The following SLC35F1 variants were observed in gnomAD, a reference collection of about 807,000 sequenced individuals.
SLC35F1 encodes the protein solute carrier family 35 member F1.
A neutral mutation model predicts 48.7 loss-of-function variants in SLC35F1; 14 were observed. That is an observed-to-expected ratio of 0.29 (90% CI 0.19 to 0.45). SLC35F1 has a LOEUF of 0.45. Among genes scored for constraint, SLC35F1 ranks in the 20% least tolerant of loss-of-function variants. The probability of loss-of-function intolerance (pLI) is 1.00; values close to 1 mark genes in which losing one functional copy is unlikely to be tolerated. For synonymous variants in SLC35F1, 190 were observed against 202.2 expected, an observed-to-expected ratio of 0.94 and a Z score of 0.51; for missense variants, 404 against 500.0, an observed-to-expected ratio of 0.81 and a Z score of 1.83.
chr6:118,147,361 C>G (rs1005704765), intron 1 of SLC35F1, among the ~76,000 whole-genome samples: 2 of 152,126 alleles, frequency 1.3e-5, no homozygotes, highest in Non-Finnish European at 2.9e-5. Context: ...GCATCGGAAA[C>G]AGGGGACACA....
intron 1 of SLC35F1, among the ~76,000 whole-genome samples, chr6:117,923,763 G>GTATATGTGTATATGTA (rs1775969946): frequency 5.5e-5 from 1 of 18,080 alleles, no homozygotes; most frequent in Non-Finnish European, 9.5e-5. Context: ...ATATACATAT[G>GTATATGTGTATATGTA]CACATACATA....
At chr6:118,088,844 A>G (rs1487267470) in intron 1 of SLC35F1, among the ~76,000 whole-genome samples, 1 of 152,166 alleles carries the variant, frequency 6.6e-6, no homozygotes, top group Admixed American at 6.6e-5. Context: ...TAATTAGCAT[A>G]AAGACACTTC....
intron 1 of SLC35F1, among the ~76,000 whole-genome samples, chr6:118,074,883 A>G (rs1036516087): frequency 1.3e-5 from 2 of 152,146 alleles, no homozygotes; most frequent in African/African-American, 2.4e-5. Context: ...GACTCAAGCA[A>G]TCTTCCATCC....
chr6:117,908,011 C>A, intron 1 of SLC35F1, 112 bp downstream of exon 1: 1 of 1,058,268 alleles, frequency 9.4e-7, no homozygotes, highest in South Asian at 3.4e-5. Flanking sequence ...GGGTTGCGGC[C>A]GGAGGAGACT....
chr6:118,219,067 T>C (rs1345206356), intron 2 of SLC35F1, among the ~76,000 whole-genome samples: 1 of 152,190 alleles, frequency 6.6e-6, no homozygotes, highest in Non-Finnish European at 1.5e-5. Flanking sequence ...AACACGGACC[T>C]TTAGGTTTTG....
chr6:118,144,290 A>G (rs1773937353), intron 1 of SLC35F1, among the ~76,000 whole-genome samples: 2 of 152,162 alleles, frequency 1.3e-5, no homozygotes, highest in African/African-American at 4.8e-5. Context: ...CTTTGCAGGG[A>G]CATGGATGAA....
intron 1 of SLC35F1, among the ~76,000 whole-genome samples, chr6:118,026,803 T>A (rs1015172762): frequency 2.0e-5 from 3 of 152,232 alleles, no homozygotes; most frequent in Admixed American, 6.5e-5. Context: ...CTTGGTTTTT[T>A]TAAAGTTATG....
chr6:118,253,078 T>A (rs1348592185), intron 3 of SLC35F1, among the ~76,000 whole-genome samples: 1 of 152,084 alleles, frequency 6.6e-6, no homozygotes, highest in Non-Finnish European at 1.5e-5. Context: ...AGAGGTACTT[T>A]TGGAAGTCCT....
chr6:118,218,799 T>C (rs1775107732), intron 2 of SLC35F1, among the ~76,000 whole-genome samples: 1 of 152,294 alleles, frequency 6.6e-6, no homozygotes. Flanking sequence ...TGGAAATGTA[T>C]TGGTAAACTA....
At chr6:118,129,692 AG>A (rs1314926137) in intron 1 of SLC35F1, among the ~76,000 whole-genome samples, 1 of 152,140 alleles carries the variant, frequency 6.6e-6, no homozygotes, top group Non-Finnish European at 1.5e-5. Context: ...TGTGAGAGAG[AG>A]GGGAAAATTA....
intron 1 of SLC35F1, among the ~76,000 whole-genome samples, chr6:118,093,339 G>C (rs558398941): frequency 1.3e-5 from 2 of 152,166 alleles, no homozygotes; most frequent in South Asian, 4.2e-4. Context: ...ATAAATGTGA[G>C]GACATGAGAT....
intron 3 of SLC35F1, among the ~76,000 whole-genome samples, chr6:118,252,606 A>T (rs1346880858): frequency 6.6e-6 from 1 of 152,136 alleles, no homozygotes. Flanking sequence ...AGTTCAACAG[A>T]GAGGCTGAAA....
chr6:118,028,640 A>T (rs1247497489), intron 1 of SLC35F1, among the ~76,000 whole-genome samples: 1 of 152,076 alleles, frequency 6.6e-6, no homozygotes, highest in Non-Finnish European at 1.5e-5. Context: ...CATTCAAGAG[A>T]ATGTGTACCT....
At chr6:118,265,008 C>T (rs2114618063) in intron 3 of SLC35F1, among the ~76,000 whole-genome samples, 1 of 152,382 alleles carries the variant, frequency 6.6e-6, no homozygotes, top group Admixed American at 6.5e-5. Flanking sequence ...AGCCCCCAGC[C>T]ATCACAGTGC....
At chr6:117,926,855 G>C (rs1776035392) in intron 1 of SLC35F1, among the ~76,000 whole-genome samples, 1 of 152,138 alleles carries the variant, frequency 6.6e-6, no homozygotes, top group East Asian at 1.9e-4. Context: ...CAGTGAATTT[G>C]AGTAGGGGAG....
intron 1 of SLC35F1, among the ~76,000 whole-genome samples, chr6:118,037,806 G>A (rs564338028): frequency 2.0e-5 from 3 of 151,748 alleles, no homozygotes; most frequent in South Asian, 4.2e-4. Flanking sequence ...ACTCATAAAC[G>A]GGAATTGAAC....
intron 3 of SLC35F1, among the ~76,000 whole-genome samples, chr6:118,243,672 A>T (rs761161339): frequency 2.0e-5 from 3 of 152,202 alleles, no homozygotes; most frequent in African/African-American, 7.2e-5. Context: ...AGATGACAGA[A>T]AGTCACTAAG....
chr6:117,975,543 C>T (rs1232657436), intron 1 of SLC35F1, among the ~76,000 whole-genome samples: 1 of 152,106 alleles, frequency 6.6e-6, no homozygotes, highest in Non-Finnish European at 1.5e-5. Flanking sequence ...AATTGTGTAT[C>T]TTAACCTGTC....
rs192743928 is a variant in SLC35F1 at position 118,169,645 on chromosome 6, T to C, written c.349+15025T>C. On this transcript the variant is annotated intron_variant, in intron 2 of 7. Transcript: ENST00000360388. ...CTGCTACTACCACCTTTGAACTGCT[T>C]TCTGTCTCTGATACCTGCCCACCTT... Among the ~76,000 whole-genome samples the C allele has an allele frequency of 7.6e-4, 116 of 152,240 alleles. 1 individual carries two copies. The South Asian group carries it at 9.5e-3, about 13-fold the overall frequency.
Sources: gnomAD v4.1 joint callset for allele counts (sites outside exome capture counted in the v4.1 genomes callset) on GRCh38, gnomAD v4.1.1 for gene constraint, MANE v1.5 for transcripts, NCBI Gene and HGNC (gene_info 2026-07-23, HGNC 2026-07-21) for gene names.